Variants in TRIM9 observed in about 807,000 individuals in gnomAD.
The protein encoded by TRIM9 is tripartite motif containing 9.
TRIM9 carries 26 observed loss-of-function variants against 78.3 expected under a neutral mutation model. The observed-to-expected ratio is 0.33, with a 90% CI of 0.24 to 0.46. The LOEUF (loss-of-function observed/expected upper bound fraction) is 0.46. TRIM9 is among the 20% of genes least tolerant of loss of function. The probability of loss-of-function intolerance (pLI) is 1.00; values close to 1 mark genes in which losing one functional copy is unlikely to be tolerated. For synonymous variants in TRIM9, 398 were observed against 416.5 expected (o/e 0.96, Z 0.54); for missense variants, 787 against 1,036.4 (o/e 0.76, Z 3.30).
At chr14:51,023,721 C>T (rs780841065) in intron 2 of TRIM9, among the ~76,000 whole-genome samples, 1 of 152,084 alleles carries the variant, frequency 6.6e-6, no homozygotes, top group Non-Finnish European at 1.5e-5. Flanking sequence ...TAAGGATAAG[C>T]TTTTCAATGA....
intron 3 of TRIM9, among the ~76,000 whole-genome samples, chr14:51,020,992 G>T (rs2057705629): frequency 6.6e-6 from 1 of 152,184 alleles, no homozygotes; most frequent in African/African-American, 2.4e-5. Flanking sequence ...TTATGGCTAG[G>T]TACTTAAATA....
intron 1 of TRIM9, among the ~76,000 whole-genome samples, chr14:51,047,794 A>G (rs1018045678): frequency 3.3e-5 from 5 of 152,240 alleles, no homozygotes; most frequent in African/African-American, 1.2e-4. Flanking sequence ...AATTGGGGGA[A>G]CACACAACTT....
intron 1 of TRIM9, among the ~76,000 whole-genome samples, chr14:51,046,498 C>T (rs959007984): frequency 3.3e-5 from 5 of 152,150 alleles, no homozygotes; most frequent in African/African-American, 4.8e-5. Flanking sequence ...TTAATTCTTA[C>T]GATGGCATAT....
At chr14:50,994,222 A>T (rs929235492) in intron 7 of TRIM9, among the ~76,000 whole-genome samples, 1 of 152,206 alleles carries the variant, frequency 6.6e-6, no homozygotes, top group African/African-American at 2.4e-5. Flanking sequence ...CCTGGGCAAC[A>T]CAGCAAGACC....
chr14:51,009,360 G>T, intron 4 of TRIM9, 127 bp from the exon 5 acceptor site: 2 of 1,128,804 alleles, frequency 1.8e-6, no homozygotes, highest in Non-Finnish European at 2.5e-6. Context: ...GACTGCCTCA[G>T]TGCTGTTGGT....
At chr14:51,052,135 G>T (rs1396439897) in intron 1 of TRIM9, among the ~76,000 whole-genome samples, 1 of 152,046 alleles carries the variant, frequency 6.6e-6, no homozygotes, top group African/African-American at 2.4e-5. Flanking sequence ...TTATATGACA[G>T]GCACAATGAT....
chr14:51,028,856 A>G (rs73288876), intron 1 of TRIM9, among the ~76,000 whole-genome samples: 14,304 of 152,104 alleles, frequency 0.094, 746 homozygotes, highest in African/African-American at 0.12. Flanking sequence ...TCAAGCCTGA[A>G]GGAGAGAAAC....
intron 3 of TRIM9, among the ~76,000 whole-genome samples, chr14:51,016,496 CTAA>C (rs2057214268): frequency 7.0e-6 from 1 of 143,580 alleles, no homozygotes; most frequent in Admixed American, 6.9e-5. Flanking sequence ...CTCTCTCTCT[CTAA>C]TAATAATATT....
At chr14:51,067,074 T>C (rs927345633) in intron 1 of TRIM9, among the ~76,000 whole-genome samples, 2 of 152,156 alleles carry the variant, frequency 1.3e-5, no homozygotes, top group African/African-American at 4.8e-5. Context: ...GCATTAGATT[T>C]TGTACTCTCC....
chr14:50,980,953 C>T (rs1184435381), intron 11 of TRIM9, among the ~76,000 whole-genome samples: 4 of 151,856 alleles, frequency 2.6e-5, no homozygotes, highest in African/African-American at 7.3e-5. Flanking sequence ...GACTTGCTTT[C>T]CCTTTGATCT....
chr14:51,058,330 A>C (rs747331247), intron 1 of TRIM9, among the ~76,000 whole-genome samples: 1 of 152,192 alleles, frequency 6.6e-6, no homozygotes, highest in Non-Finnish European at 1.5e-5. Flanking sequence ...ACAGAATGGA[A>C]AAGGTATTTC....
At chr14:50,983,460 A>C in intron 8 of TRIM9, 39 bp from the exon 9 acceptor site, 2 of 1,489,824 alleles carry the variant, frequency 1.3e-6, no homozygotes, top group Non-Finnish European at 1.8e-6. Context: ...ATGAAACAAC[A>C]ACCAGGTTGA....
chr14:50,977,931 A>G (rs749878545), intron 12 of TRIM9, among the ~76,000 whole-genome samples: 6 of 152,124 alleles, frequency 3.9e-5, no homozygotes, highest in Non-Finnish European at 8.8e-5. Context: ...CTCCAGCCCA[A>G]GAGTCTTTAT....
chr14:51,046,100 G>A (rs528208550), intron 1 of TRIM9, among the ~76,000 whole-genome samples: 40 of 151,962 alleles, frequency 2.6e-4, no homozygotes, highest in African/African-American at 8.4e-4. Flanking sequence ...TGGAATGACC[G>A]CGTTTTAGAA....
At chr14:51,048,913 G>A (rs772009584) in intron 1 of TRIM9, among the ~76,000 whole-genome samples, 1 of 151,460 alleles carries the variant, frequency 6.6e-6, no homozygotes, top group African/African-American at 2.4e-5. Flanking sequence ...GAACCCAGGA[G>A]GCGGTGCTTG....
At chr14:51,006,048 C>T (rs752754816) in intron 5 of TRIM9, among the ~76,000 whole-genome samples, 5 of 152,138 alleles carry the variant, frequency 3.3e-5, no homozygotes, top group Non-Finnish European at 5.9e-5. Flanking sequence ...ACAACAATGG[C>T]GTCTATGATG....
intron 7 of TRIM9, among the ~76,000 whole-genome samples, chr14:50,988,622 A>T (rs536361362): frequency 7.7e-4 from 111 of 143,854 alleles, no homozygotes; most frequent in African/African-American, 2.8e-3. Flanking sequence ...ACCTCCCATT[A>T]CCTACCAGCT....
chr14:51,042,510 G>C (rs1303415902), intron 1 of TRIM9, among the ~76,000 whole-genome samples: 1 of 152,174 alleles, frequency 6.6e-6, no homozygotes, highest in Non-Finnish European at 1.5e-5. Flanking sequence ...GAAATACTTT[G>C]TCTGTAGTTA....
chr14:51,013,368 TTCTATTACAGTGG>T (rs576359368), intron 3 of TRIM9, among the ~76,000 whole-genome samples: 34 of 152,326 alleles, frequency 2.2e-4, no homozygotes, highest in African/African-American at 7.9e-4. Flanking sequence ...CTGGATTCTA[TTCTATTACAGTGG>T]TCTATATATC....
Sources: allele counts gnomAD v4.1 joint callset (sites outside exome capture counted in the v4.1 genomes callset), GRCh38; gene constraint gnomAD v4.1.1; transcripts MANE v1.5; gene names NCBI Gene and HGNC (gene_info 2026-07-23, HGNC 2026-07-21).